Variants in GPHN observed in about 807,000 individuals in gnomAD.
GPHN encodes gephyrin.
A neutral mutation model predicts 95.5 loss-of-function variants in GPHN; 17 were observed. The ratio of observed to expected loss-of-function variants is 0.18; its 90% CI spans 0.12 to 0.27. GPHN has a LOEUF of 0.27. Ranked by LOEUF, GPHN falls within the 10% of genes least tolerant of loss-of-function variation. The pLI, the probability that GPHN is intolerant of heterozygous loss-of-function variation, is 1.00. For missense variants in GPHN, 660 were observed against 978.1 expected, an observed-to-expected ratio of 0.67 and a Z score of 4.34; for synonymous variants, 320 against 322.5, an observed-to-expected ratio of 0.99 and a Z score of 0.08.
the GPHN span, among the ~76,000 whole-genome samples, chr14:67,657,622 A>C: frequency 4.6e-4 from 63 of 136,678 alleles, no homozygotes; most frequent in East Asian, 7.6e-3. Context: ...ACACACACAC[A>C]CCCAAAATCA....
chr14:67,222,350 G>C, the GPHN span, among the ~76,000 whole-genome samples: 4 of 152,174 alleles, frequency 2.6e-5, no homozygotes, highest in Non-Finnish European at 4.4e-5. Flanking sequence ...ATGTGCAGTG[G>C]TGTGATCTTG....
At chr14:67,595,444 A>C in the GPHN span, among the ~76,000 whole-genome samples, 1 of 152,234 alleles carries the variant, frequency 6.6e-6, no homozygotes, top group Non-Finnish European at 1.5e-5. Context: ...AACAATTATA[A>C]AGTGCTTAGC....
chr14:66,852,018 T>C (rs1223166198), intron 4 of GPHN, among the ~76,000 whole-genome samples: 1 of 152,188 alleles, frequency 6.6e-6, no homozygotes, highest in Admixed American at 6.5e-5. Flanking sequence ...AAGACTAGTT[T>C]TCTGAGCCAA....
At chr14:67,276,254 CATT>C in the GPHN span, among the ~76,000 whole-genome samples, 4 of 152,224 alleles carry the variant, frequency 2.6e-5, no homozygotes, top group African/African-American at 9.6e-5. Context: ...CCAGTTTTAT[CATT>C]ATTCATGTAC....
At chr14:67,693,334 TG>T in the GPHN span, among the ~76,000 whole-genome samples, 1 of 152,212 alleles carries the variant, frequency 6.6e-6, no homozygotes, top group Admixed American at 6.5e-5. Flanking sequence ...CACCTGGCTT[TG>T]GTTTGAGCTC....
At chr14:66,971,605 A>AT (rs1482674644) in intron 9 of GPHN, among the ~76,000 whole-genome samples, 1 of 152,094 alleles carries the variant, frequency 6.6e-6, no homozygotes, top group East Asian at 1.9e-4. Flanking sequence ...TATTGTTCAC[A>AT]TTTTTTTATA....
At chr14:66,864,382 C>G (rs2063150218) in intron 4 of GPHN, among the ~76,000 whole-genome samples, 1 of 152,132 alleles carries the variant, frequency 6.6e-6, no homozygotes, top group South Asian at 2.1e-4. Context: ...TAAGTTAGTA[C>G]AACCACCATG....
intron 1 of GPHN, among the ~76,000 whole-genome samples, chr14:66,573,612 A>C (rs1031219990): frequency 2.0e-5 from 3 of 151,990 alleles, no homozygotes; most frequent in Admixed American, 6.6e-5. Context: ...GCCTGCCACC[A>C]CGCACGGCTA....
At chr14:67,523,344 A>G in the GPHN span, among the ~76,000 whole-genome samples, 1 of 152,116 alleles carries the variant, frequency 6.6e-6, no homozygotes, top group African/African-American at 2.4e-5. Context: ...AAAGAAAAGA[A>G]AAAAGAGGAG....
the GPHN span, chr14:67,383,754 G>C: frequency 3.1e-6 from 1 of 323,062 alleles, no homozygotes; most frequent in East Asian, 7.9e-5. Context: ...CCCCTTTCTA[G>C]TTCAATGCCT....
the GPHN span, among the ~76,000 whole-genome samples, chr14:67,349,783 G>T: frequency 6.6e-6 from 1 of 152,108 alleles, no homozygotes; most frequent in African/African-American, 2.4e-5. Flanking sequence ...ATACACTATT[G>T]ATTGATCTCC....
intron 10 of GPHN, among the ~76,000 whole-genome samples, chr14:67,033,361 C>T (rs1269003131): frequency 3.3e-5 from 5 of 152,010 alleles, no homozygotes; most frequent in South Asian, 2.1e-4. Context: ...TCCAGGGATT[C>T]GAGACTAGCC....
At chr14:67,509,726 G>T in the GPHN span, among the ~76,000 whole-genome samples, 2 of 152,284 alleles carry the variant, frequency 1.3e-5, no homozygotes, top group East Asian at 1.9e-4. Context: ...ATTCAGACTG[G>T]CTGGGAGATG....
At chr14:67,710,984 G>T in the GPHN span, among the ~76,000 whole-genome samples, 2 of 152,132 alleles carry the variant, frequency 1.3e-5, no homozygotes, top group Admixed American at 6.6e-5. Flanking sequence ...CAGTGAAAAA[G>T]ATTTAACTTA....
chr14:67,050,711 G>A (rs892726129), intron 10 of GPHN, among the ~76,000 whole-genome samples: 3 of 152,080 alleles, frequency 2.0e-5, no homozygotes, highest in African/African-American at 4.8e-5. Flanking sequence ...AAACAGCTAC[G>A]GTTGGAGGCT....
At chr14:67,010,905 A>G (rs1325980827) in intron 9 of GPHN, among the ~76,000 whole-genome samples, 7 of 152,194 alleles carry the variant, frequency 4.6e-5, no homozygotes, top group African/African-American at 1.7e-4. Context: ...AAATAATGAA[A>G]AAAATATATG....
chr14:67,355,893 A>G, the GPHN span, among the ~76,000 whole-genome samples: 2 of 151,990 alleles, frequency 1.3e-5, no homozygotes, highest in Non-Finnish European at 2.9e-5. Context: ...CCATATACAA[A>G]GAAGGCTAAG....
chr14:67,396,910 A>G, the GPHN span, among the ~76,000 whole-genome samples: 1,041 of 148,654 alleles, frequency 7.0e-3, no homozygotes, highest in Middle Eastern at 0.014. Context: ...GTCTTGGCAC[A>G]TGATGGGCCC....
chr14:67,574,702 C>G, the GPHN span, among the ~76,000 whole-genome samples: 1 of 151,848 alleles, frequency 6.6e-6, no homozygotes, highest in African/African-American at 2.4e-5. This position sits in a 1 kb window ranked among gnomAD's most constrained non-coding sequence, Gnocchi z 4.2. Flanking sequence ...CCACCTTATA[C>G]CTGCCTCAGT....
Sources: gnomAD v4.1 joint callset for allele counts (sites outside exome capture counted in the v4.1 genomes callset) on GRCh38, gnomAD v4.1.1 for gene constraint, Gnocchi (gnomAD v3.1) non-coding constraint, MANE v1.5 for transcripts, NCBI Gene and HGNC (gene_info 2026-07-23, HGNC 2026-07-21) for gene names.